TJP1: variants seen among roughly 807,000 people sequenced by gnomAD.
TJP1 encodes the protein tight junction protein 1.
Under a neutral mutation model 194.2 loss-of-function variants are expected in TJP1, and 43 were observed. That is an observed-to-expected ratio of 0.22 (90% CI 0.17 to 0.29). The LOEUF is 0.29. Ranked by LOEUF, TJP1 falls within the 10% of genes least tolerant of loss-of-function variation. The pLI is 1.00. For missense variants in TJP1, 1,971 were observed against 2,185.7 expected (o/e 0.90, Z 1.96); for synonymous variants, 801 against 779.0 (o/e 1.03, Z -0.47).
intron 2 of TJP1, among the ~76,000 whole-genome samples, chr15:29,840,538 A>T (rs910084745): frequency 6.6e-6 from 1 of 152,180 alleles, no homozygotes; most frequent in African/African-American, 2.4e-5. Context: ...TGCTCCAGAC[A>T]GCACCCTGTT....
intron 1 of TJP1, among the ~76,000 whole-genome samples, chr15:29,815,438 T>C (rs2049844577): frequency 6.6e-6 from 1 of 152,272 alleles, no homozygotes; most frequent in Admixed American, 6.5e-5. Flanking sequence ...AGGATCATTC[T>C]AGACATAAAC....
chr15:29,931,991 G>A (rs373265309), intron 2 of TJP1, among the ~76,000 whole-genome samples: 1 of 152,170 alleles, frequency 6.6e-6, no homozygotes, highest in South Asian at 2.1e-4. Context: ...TAGTAGTGAG[G>A]ACCACCAGAA....
chr15:29,861,161 T>C (rs1361266694), intron 2 of TJP1, among the ~76,000 whole-genome samples: 1 of 152,174 alleles, frequency 6.6e-6, no homozygotes, highest in Non-Finnish European at 1.5e-5. Context: ...AGGAATGAAA[T>C]TGCTGGTTCA....
intron 2 of TJP1, among the ~76,000 whole-genome samples, chr15:29,912,695 C>CAAAAAAAAAAAAAAAAAAAAAAAAAA (rs71103416): frequency 1.5e-5 from 1 of 64,950 alleles, no homozygotes; most frequent in African/African-American, 8.7e-5. Context: ...GACTCTGTCT[C>CAAAAAAAAAAAAAAAAAAAAAAAAAA]AAAAAAAAAA....
rs2042707011 is a variant in TJP1, at chr15:29,718,442, G to A, written c.3700C>T (p.Pro1234Ser). ...PPLIPSSQHK[P>S]EALPSNTKPL... ...TTGGTGTTTGAAGGCAGAGCTTCTG[G>A]CTTATGCTGAGATGAAGGTATCAGC... The change falls in exon 21 of 28, where the codon CCA becomes TCA. Residue 1234 changes from proline (P) to serine (S), a missense_variant. By Grantham distance (74) the Pro-to-Ser change is moderately conservative. Coordinates refer to ENST00000614355, the MANE Select transcript of TJP1 (RefSeq NM_001330239.4). 2 of 1,614,162 alleles carry A rather than the reference G, an allele frequency of 1.2e-6. No individual in the cohort carries two copies. The highest frequency in any genetic ancestry group is 1.7e-6 in the Non-Finnish European group (2 of 1,180,040).
chr15:29,793,094 TTTC>T (rs1237293492), intron 2 of TJP1, among the ~76,000 whole-genome samples: 1 of 152,150 alleles, frequency 6.6e-6, no homozygotes, highest in African/African-American at 2.4e-5. Context: ...TTGGATGCCT[TTTC>T]TTTTCTTCTC....
chr15:29,773,399 A>C, intron 2 of TJP1, 42 bp from the exon 3 acceptor site: 1 of 1,595,606 alleles, frequency 6.3e-7, no homozygotes, highest in East Asian at 2.2e-5. Context: ...TTAAGGACAA[A>C]AATAATTGTT....
chr15:29,932,720 A>C (rs1368769183), intron 2 of TJP1, among the ~76,000 whole-genome samples: 1 of 152,192 alleles, frequency 6.6e-6, no homozygotes, highest in Non-Finnish European at 1.5e-5. Flanking sequence ...GACTAATAAC[A>C]GAATACACAA....
At chr15:29,791,292 G>T (rs2048066296) in intron 2 of TJP1, among the ~76,000 whole-genome samples, 1 of 151,816 alleles carries the variant, frequency 6.6e-6, no homozygotes, top group Admixed American at 6.6e-5. Flanking sequence ...CTCCCAAAGT[G>T]CTGGGATTAC....
intron 1 of TJP1, among the ~76,000 whole-genome samples, chr15:29,962,159 C>G (rs1450239590): frequency 6.6e-6 from 1 of 152,168 alleles, no homozygotes; most frequent in East Asian, 1.9e-4. Context: ...ATACTTGCAC[C>G]ACAGTGCAGC....
chr15:29,788,410 G>A (rs554122271), intron 2 of TJP1, among the ~76,000 whole-genome samples: 1 of 152,242 alleles, frequency 6.6e-6, no homozygotes, highest in East Asian at 1.9e-4. Context: ...AATTATCCCT[G>A]TGTTTTCTTC....
At chr15:29,938,580 G>A (rs571468390) in intron 2 of TJP1, among the ~76,000 whole-genome samples, 119 of 152,114 alleles carry the variant, frequency 7.8e-4, no homozygotes, top group Non-Finnish European at 1.4e-3. Context: ...TATGTCATTC[G>A]ACTACCACCC....
chr15:29,707,102 T>C (rs987625832), intron 25 of TJP1, among the ~76,000 whole-genome samples: 5 of 152,154 alleles, frequency 3.3e-5, no homozygotes, highest in Non-Finnish European at 7.4e-5. Context: ...GCTCTGGCTG[T>C]AGGAGGCAAG....
intron 2 of TJP1, among the ~76,000 whole-genome samples, chr15:29,909,171 A>G (rs199525673): frequency 0.19 from 26,454 of 142,438 alleles, 2,590 homozygotes; most frequent in Middle Eastern, 0.26. Flanking sequence ...AAAAAAAAAA[A>G]GAAAAGAAAA....
chr15:29,883,516 A>G (rs1467719933), intron 2 of TJP1, among the ~76,000 whole-genome samples: 2 of 152,196 alleles, frequency 1.3e-5, no homozygotes, highest in Non-Finnish European at 2.9e-5. Context: ...CATTCCTCAC[A>G]GCAACCATTT....
chr15:29,822,032 G>C lies in TJP1; in HGVS notation c.-4C>G, dbSNP rs1017705385. 6 of 1,352,114 alleles carry C rather than the reference G, an allele frequency of 4.4e-6. No homozygotes were observed. The highest frequency in any genetic ancestry group is 4.0e-5 in the South Asian group (2 of 50,410). The allele number at this position is 1,352,114 out of a possible 1,614,324, so 83.8% of individuals were successfully genotyped here. A position where few individuals can be genotyped will look rare whatever the true frequency, so the allele number is the denominator to read the frequency against. ...CGGCCGCAGCTCTGGCGGACATCTT[G>C]TCTCTCTCCAGCGCCGCGCGAGGCT... On this transcript the variant is annotated 5_prime_UTR_variant, in exon 1 of 28. Coordinates refer to ENST00000614355, the MANE Select transcript of TJP1 (RefSeq NM_001330239.4).
chr15:29,781,728 T>C (rs142494834), intron 2 of TJP1, among the ~76,000 whole-genome samples: 15 of 152,324 alleles, frequency 9.8e-5, no homozygotes, highest in African/African-American at 3.6e-4. Context: ...GTGATTATCT[T>C]AATAGATGCA....
chr15:29,701,345 C>G lies in TJP1; in HGVS notation c.*250G>C. On this transcript the variant is annotated 3_prime_UTR_variant, in exon 28 of 28. Transcript: ENST00000614355. ...GTGACGATAAAAAAATTACAAAAATCACAAAGCAAAATATCTTTGAACCTC... is the reference window on the plus strand; with the variant it reads ...GTGACGATAAAAAAATTACAAAAATGACAAAGCAAAATATCTTTGAACCTC... 2.7e-6 allele frequency: 1 copy of G among 372,572 alleles called. No individual in the cohort carries two copies. The highest frequency in any genetic ancestry group is 4.8e-6 in the Non-Finnish European group (1 of 206,862). The allele number at this position is 372,572 out of a possible 1,614,324, so 23.1% of individuals were successfully genotyped here.
chr15:29,780,614 C>T (rs1465714499), intron 2 of TJP1, among the ~76,000 whole-genome samples: 3 of 152,046 alleles, frequency 2.0e-5, no homozygotes, highest in African/African-American at 7.2e-5. Context: ...ATAATGGATA[C>T]TGAGTAGCAG....
Sources: gnomAD v4.1 joint callset for allele counts (sites outside exome capture counted in the v4.1 genomes callset) on GRCh38, gnomAD v4.1.1 for gene constraint, MANE v1.5 for transcripts, NCBI Gene and HGNC (gene_info 2026-07-23, HGNC 2026-07-21) for gene names.